ABCC9: variants seen among roughly 807,000 people sequenced by gnomAD.
ABCC9 encodes ATP-binding cassette sub-family C member 9.
A neutral mutation model predicts 188.3 loss-of-function variants in ABCC9; 95 were observed. The ratio of observed to expected loss-of-function variants is 0.50; its 90% CI spans 0.43 to 0.60. The LOEUF (loss-of-function observed/expected upper bound fraction) is 0.60. ABCC9 is among the 20% of genes least tolerant of loss of function. The pLI is 0.00. For synonymous variants in ABCC9, 659 were observed against 652.7 expected, an observed-to-expected ratio of 1.01 and a Z score of -0.15; for missense variants, 1,102 against 1,876.3, an observed-to-expected ratio of 0.59 and a Z score of 7.62.
At chr12:21,814,042 TA>T (rs1031540513) in intron 35 of ABCC9, among the ~76,000 whole-genome samples, 12 of 152,114 alleles carry the variant, frequency 7.9e-5, no homozygotes, top group Non-Finnish European at 1.6e-4. Flanking sequence ...TGACTTTTTT[TA>T]AAAAAAGATT....
chr12:21,847,077 G>A (rs533452129), intron 25 of ABCC9, among the ~76,000 whole-genome samples: 1 of 152,104 alleles, frequency 6.6e-6, no homozygotes, highest in African/African-American at 2.4e-5. Context: ...AAACTAATAA[G>A]TAATATGTAC....
chr12:21,872,755 C>T, intron 17 of ABCC9, 25 bp from the exon 18 acceptor site: 1 of 1,498,734 alleles, frequency 6.7e-7, no homozygotes. Context: ...CAAAGGATAA[C>T]TACAGAATGA....
At position 21,800,953 on chromosome 12, in the gene ABCC9, A is replaced by G; in HGVS notation, c.*91T>C. The G allele has an allele frequency of 6.7e-7, 1 of 1,486,580 alleles. No individual in the cohort carries two copies. The highest frequency in any genetic ancestry group is 9.2e-7 in the Non-Finnish European group (1 of 1,086,954). 92.1% of individuals were successfully genotyped at this position (1,486,580 alleles called of 1,614,324 possible). A position where few individuals can be genotyped will look rare whatever the true frequency, so the allele number is the denominator to read the frequency against. ...TGTGCAAAAATCTGTAAAAGTTTTAAGATGCCACTTTACAGAGGTCAAGCT... is the reference window on the plus strand; with the variant it reads ...TGTGCAAAAATCTGTAAAAGTTTTAGGATGCCACTTTACAGAGGTCAAGCT... On this transcript the variant is annotated 3_prime_UTR_variant, in exon 40 of 40. Transcript: ENST00000261200.
At position 21,916,950 on chromosome 12, in the gene ABCC9, A is replaced by G; in HGVS notation, c.560T>C (p.Val187Ala). The G allele has an allele frequency of 6.2e-7, 1 of 1,612,680 alleles. No individual in the cohort carries two copies. The change falls in exon 6 of 40, where the codon GTC (valine) becomes GCC (alanine). Residue 187 changes from valine to alanine, a missense_variant. Coordinates refer to ENST00000261200, the MANE Select transcript of ABCC9 (RefSeq NM_020297.4). ...TTAGCTACCTACCCTGACTCGAATG[A>G]CATTGATCTCCACAGCCATCAAGAG... is the stretch of plus-strand genomic sequence containing the variant. ...NGLLMAVEIN[V>A]IRVRRYVFFM...
At chr12:21,899,773 G>A (rs531395313) in intron 12 of ABCC9, among the ~76,000 whole-genome samples, 73 of 152,276 alleles carry the variant, frequency 4.8e-4, no homozygotes, top group African/African-American at 1.5e-3. Context: ...AGGGGCACCC[G>A]CCATTGCTGA....
At chr12:21,851,713 T>C (rs1011097904) in intron 24 of ABCC9, among the ~76,000 whole-genome samples, 1 of 152,136 alleles carries the variant, frequency 6.6e-6, no homozygotes, top group African/African-American at 2.4e-5. Context: ...GACCCTCTAT[T>C]TGTAGGTGGT....
chr12:21,835,923 C>T (rs1944055181), intron 30 of ABCC9, among the ~76,000 whole-genome samples: 9 of 152,114 alleles, frequency 5.9e-5, no homozygotes, highest in Admixed American at 5.2e-4. Flanking sequence ...TCCAATCCTC[C>T]ACATCATCTT....
At chr12:21,840,786 TG>T (rs1421908905) in intron 29 of ABCC9, among the ~76,000 whole-genome samples, 1 of 152,214 alleles carries the variant, frequency 6.6e-6, no homozygotes, top group African/African-American at 2.4e-5. Flanking sequence ...AGACTAAATG[TG>T]GATCCCTGAC....
chr12:21,932,440 C>T (rs981960413), intron 4 of ABCC9, among the ~76,000 whole-genome samples: 18 of 151,952 alleles, frequency 1.2e-4, no homozygotes, highest in African/African-American at 3.9e-4. Context: ...AACTAAAGAG[C>T]TCCTGCACAG....
intron 2 of ABCC9, among the ~76,000 whole-genome samples, chr12:21,936,989 C>T (rs1486824709): frequency 6.6e-6 from 1 of 151,762 alleles, no homozygotes; most frequent in African/African-American, 2.4e-5. Context: ...GACTAAAATG[C>T]TTTCAAAGAA....
At chr12:21,845,062 G>T (rs1208841919) in intron 26 of ABCC9, 147 bp from the exon 27 acceptor site, 7 of 948,750 alleles carry the variant, frequency 7.4e-6, no homozygotes, top group Non-Finnish European at 9.7e-6. Flanking sequence ...ATTTTTTGAG[G>T]CCCAGGGTAG....
rs1388216279 is a variant in ABCC9, at chr12:21,801,274, ATTTG to A, written c.4513-97_4513-94del. 6.5e-6 allele frequency: 10 copies of A among 1,538,534 alleles called. No homozygotes were observed. In the South Asian group the frequency reaches 7.9e-5, roughly 12 times the overall value. ...TATATTTCATGAATTATTCTGGGAC[ATTTG>A]TTTATCTTGGTGAGTGACAAGATGT... On this transcript the variant is annotated intron_variant, in intron 39 of 39. Coordinates refer to ENST00000261200, the MANE Select transcript of ABCC9 (RefSeq NM_020297.4).
chr12:21,829,080 G>T lies in ABCC9; in HGVS notation c.3567-20C>A, dbSNP rs74735818. On this transcript the variant is annotated intron_variant, in intron 30 of 39. Coordinates refer to ENST00000261200, the MANE Select transcript of ABCC9 (RefSeq NM_020297.4). ...TCATGCCTGCAGAAAACAAAAACACGATGTTAACCACACAACAGGAGAGGT... is the reference window on the plus strand; with the variant it reads ...TCATGCCTGCAGAAAACAAAAACACTATGTTAACCACACAACAGGAGAGGT... The T allele has an allele frequency of 1.3e-6, 2 of 1,550,448 alleles. No individual in the cohort carries two copies. Among genetic ancestry groups the T allele is most frequent in the South Asian group, 1.1e-5 (1 of 89,836 alleles).
chr12:21,904,828 G>C (rs927337923), intron 12 of ABCC9, among the ~76,000 whole-genome samples: 1 of 152,224 alleles, frequency 6.6e-6, no homozygotes, highest in Non-Finnish European at 1.5e-5. Flanking sequence ...TACACTGTTC[G>C]TGGGACTATA....
chr12:21,879,988 C>G (rs1287427229), intron 16 of ABCC9, among the ~76,000 whole-genome samples: 1 of 151,550 alleles, frequency 6.6e-6, no homozygotes, highest in Admixed American at 6.6e-5. Flanking sequence ...TTGATTCACA[C>G]ACATATAGAT....
chr12:21,860,145 T>C (rs138339525), intron 21 of ABCC9, among the ~76,000 whole-genome samples: 2 of 152,218 alleles, frequency 1.3e-5, no homozygotes, highest in South Asian at 2.1e-4. Context: ...CTTGTGCAAA[T>C]GGCTTTACAT....
At chr12:21,883,116 G>A (rs1164773991) in intron 15 of ABCC9, among the ~76,000 whole-genome samples, 1 of 152,166 alleles carries the variant, frequency 6.6e-6, no homozygotes, top group Non-Finnish European at 1.5e-5. Flanking sequence ...AATGATGGAA[G>A]TTAAAGTACA....
intron 18 of ABCC9, among the ~76,000 whole-genome samples, chr12:21,868,932 A>G (rs971430914): frequency 1.3e-5 from 2 of 152,040 alleles, no homozygotes; most frequent in Non-Finnish European, 2.9e-5. Context: ...ATTACAAATA[A>G]CTCTTTAAAA....
chr12:21,896,464 G>A (rs1343812221), intron 12 of ABCC9, among the ~76,000 whole-genome samples: 2 of 151,880 alleles, frequency 1.3e-5, no homozygotes, highest in East Asian at 1.9e-4. Context: ...TTTAAGTTCC[G>A]GGATACATGT....
Sources: gnomAD v4.1 joint callset for allele counts (sites outside exome capture counted in the v4.1 genomes callset) on GRCh38, gnomAD v4.1.1 for gene constraint, MANE v1.5 for transcripts, NCBI Gene and HGNC (gene_info 2026-07-23, HGNC 2026-07-21) for gene names.